PCDHA3: variants seen among roughly 807,000 people sequenced by gnomAD.
PCDHA3 encodes the protein protocadherin alpha 3, also known as protocadherin alpha-3.
Under a neutral mutation model 62.2 loss-of-function variants are expected in PCDHA3, and 41 were observed. The observed-to-expected ratio is 0.66, with a 90% CI of 0.51 to 0.86. The LOEUF is 0.86. PCDHA3 is among the 40% of genes least tolerant of loss of function. The probability of loss-of-function intolerance (pLI) is 0.00; values close to 1 mark genes in which losing one functional copy is unlikely to be tolerated. For synonymous variants in PCDHA3, 640 were observed against 555.4 expected (o/e 1.15, Z -2.14); for missense variants, 1,304 against 1,241.2 (o/e 1.05, Z -0.76).
chr5:140,836,036 G>T, intron 1 of PCDHA3: 1 of 1,613,512 alleles, frequency 6.2e-7, no homozygotes, highest in Non-Finnish European at 8.5e-7. Context: ...ACGTGACGCT[G>T]CAGGTGTTCG....
intron 1 of PCDHA3, chr5:140,813,516 A>C (rs1428913887): frequency 3.3e-5 from 5 of 152,222 alleles, no homozygotes; most frequent in African/African-American, 9.6e-5. Context: ...AACATTGTAC[A>C]GATTTTTAAA....
chr5:140,854,725 G>GT (rs2043207581), intron 1 of PCDHA3: 1 of 149,714 alleles, frequency 6.7e-6, no homozygotes, highest in Non-Finnish European at 1.5e-5. Context: ...GAAAACTCAA[G>GT]TTTTTTTCAG....
chr5:140,883,508 G>A (rs939760233), intron 1 of PCDHA3: 1 of 1,614,202 alleles, frequency 6.2e-7, no homozygotes, highest in East Asian at 2.2e-5. Flanking sequence ...CAGCGCCCTG[G>A]ACCGCGAGAG....
chr5:140,836,375 C>G lies in PCDHA3; in HGVS notation c.2394+32784C>G, dbSNP rs2150258961. 15 of 1,613,594 alleles carry G rather than the reference C, an allele frequency of 9.3e-6. No individual in the cohort carries two copies. In the African/African-American group the frequency reaches 1.2e-4, roughly 13 times the overall value. Reference sequence around the variant, plus strand: ...AGCCCTCGCTGACAGCCACAGCCACCGTGCTGGTGTCGCTGGTGGAAAGCG... The same window carrying G: ...AGCCCTCGCTGACAGCCACAGCCACGGTGCTGGTGTCGCTGGTGGAAAGCG... On this transcript the variant is annotated intron_variant, in intron 1 of 3. Coordinates refer to ENST00000522353, the MANE Select transcript of PCDHA3 (RefSeq NM_018906.3).
chr5:140,860,911 G>A (rs1302618157), intron 1 of PCDHA3: 1 of 152,150 alleles, frequency 6.6e-6, no homozygotes, highest in Non-Finnish European at 1.5e-5. Context: ...CTAATTTTTT[G>A]TATTTTTAGT....
At chr5:140,966,851 C>T (rs782524148) in intron 1 of PCDHA3, 15 of 1,573,232 alleles carry the variant, frequency 9.5e-6, no homozygotes, top group Middle Eastern at 1.7e-4. Context: ...ACTGCCTCTC[C>T]TGCTGCTGTT....
rs116001450 is a variant in PCDHA3 at position 140,876,617 on chromosome 5, A to G, written c.2394+73026A>G. 182 of 1,614,178 alleles carry G rather than the reference A, an allele frequency of 1.1e-4. No individual in the cohort carries two copies. The African/African-American group carries it at 2.3e-3, about 20-fold the overall frequency. ...GTGTCGGATCGTGACTCTGGAGCCAATGGACAGGTCATCTGCTCACTGACA... is the reference window on the plus strand; with the variant it reads ...GTGTCGGATCGTGACTCTGGAGCCAGTGGACAGGTCATCTGCTCACTGACA... On this transcript the variant is annotated intron_variant, in intron 1 of 3. Transcript: ENST00000522353.
intron 1 of PCDHA3, among the ~76,000 whole-genome samples, chr5:140,944,243 A>C (rs1202248629): frequency 2.6e-5 from 4 of 152,208 alleles, no homozygotes; most frequent in Non-Finnish European, 2.9e-5. Context: ...GCTGGAGTGC[A>C]GTGATGTGAT....
intron 1 of PCDHA3, 163 bp from the exon 2 acceptor site, chr5:140,978,786 G>C (rs2096822943): frequency 1.4e-5 from 14 of 972,674 alleles, no homozygotes; most frequent in Non-Finnish European, 1.3e-5. Context: ...CTTCTAAAGT[G>C]CTATATATGT....
At chr5:140,965,039 C>G (rs1237802301) in intron 1 of PCDHA3, among the ~76,000 whole-genome samples, 6 of 152,236 alleles carry the variant, frequency 3.9e-5, no homozygotes, top group African/African-American at 1.2e-4. Context: ...ACTGTCCGCT[C>G]TAGGAGGGAA....
In PCDHA3 at chr5:140,877,706, T is replaced by C. The variant is rs142399025; in HGVS notation, c.2394+74115T>C. On this transcript the variant is annotated intron_variant, in intron 1 of 3. Coordinates refer to ENST00000522353, the MANE Select transcript of PCDHA3 (RefSeq NM_018906.3). ...CCCACGCTGGTGTGCTCCAGCGCCG[T>C]GGGGAGTTGGTCTTACTCGCAGCAG... is the stretch of plus-strand genomic sequence containing the variant. The C allele has an allele frequency of 5.8e-4, 943 of 1,613,918 alleles. 7 individuals carry two copies. In the African/African-American group the frequency reaches 0.011, roughly 19 times the overall value.
intron 1 of PCDHA3, chr5:140,968,527 G>A (rs782634339): frequency 9.3e-6 from 15 of 1,614,142 alleles, no homozygotes; most frequent in Middle Eastern, 1.6e-4. Flanking sequence ...CAACCAACTC[G>A]TCAGCAGCCT....
chr5:140,832,565 C>G (rs1487126370), intron 1 of PCDHA3, among the ~76,000 whole-genome samples: 2 of 152,180 alleles, frequency 1.3e-5, no homozygotes, highest in East Asian at 3.8e-4. Flanking sequence ...AGCCTCAAAA[C>G]AGCATACTTT....
At chr5:140,823,962 C>G (rs2150130846) in intron 1 of PCDHA3, 6 of 1,613,908 alleles carry the variant, frequency 3.7e-6, no homozygotes, top group East Asian at 2.2e-5. Flanking sequence ...CCACCGAGGC[C>G]GTGTGCACAC....
At chr5:140,829,537 G>T (rs2150169697) in intron 1 of PCDHA3, 4 of 1,612,962 alleles carry the variant, frequency 2.5e-6, no homozygotes, top group Non-Finnish European at 3.4e-6. Flanking sequence ...CGCGAGACGC[G>T]GACGCGCAGG....
chr5:140,817,721 A>G (rs1554127290), intron 1 of PCDHA3: 1 of 152,162 alleles, frequency 6.6e-6, no homozygotes, highest in Non-Finnish European at 1.5e-5. Flanking sequence ...GTTAACACCT[A>G]TATATGTTTC....
At position 140,823,979 on chromosome 5, in the gene PCDHA3, A is replaced by G. The variant is rs1554129682; in HGVS notation, c.2394+20388A>G. 10 of 1,613,672 alleles carry G rather than the reference A, an allele frequency of 6.2e-6. No homozygotes were observed. In the East Asian group the frequency reaches 2.0e-4, roughly 32 times the overall value. On this transcript the variant is annotated intron_variant, in intron 1 of 3. Coordinates refer to ENST00000522353, the MANE Select transcript of PCDHA3 (RefSeq NM_018906.3). ...ACCGAGGCCGTGTGCACACGGGGCAAGCCCACTCTGTTGTGCTCCAGCGCG... is the reference window on the plus strand; with the variant it reads ...ACCGAGGCCGTGTGCACACGGGGCAGGCCCACTCTGTTGTGCTCCAGCGCG...
chr5:140,941,191 T>TTTCTTTCTTTCTTTCTTTCTTTC (rs1487503403), intron 1 of PCDHA3, among the ~76,000 whole-genome samples: 1 of 93,206 alleles, frequency 1.1e-5, no homozygotes, highest in South Asian at 2.8e-4. Flanking sequence ...GCTTCTTTTT[T>TTTCTTTCTTTCTTTCTTTCTTTC]TTTCTTTCTT....
At chr5:140,876,133 GAACT>G (rs782651538) in intron 1 of PCDHA3, 8 of 1,613,820 alleles carry the variant, frequency 5.0e-6, no homozygotes, top group East Asian at 2.2e-5. Flanking sequence ...CGGTAAACCA[GAACT>G]AACAGGGTCT....
Sources: gnomAD v4.1 joint callset for allele counts (sites outside exome capture counted in the v4.1 genomes callset) on GRCh38, gnomAD v4.1.1 for gene constraint, MANE v1.5 for transcripts, NCBI Gene and HGNC (gene_info 2026-07-23, HGNC 2026-07-21) for gene names.